The following DGKB variants were observed in gnomAD, a reference collection of about 807,000 sequenced individuals.
DGKB encodes the protein 90 kDa diacylglycerol kinase.
A neutral mutation model predicts 114.3 loss-of-function variants in DGKB; 67 were observed. The ratio of observed to expected loss-of-function variants is 0.59; its 90% CI spans 0.48 to 0.72. The LOEUF is 0.72. Ranked by LOEUF, DGKB falls within the 30% of genes least tolerant of loss-of-function variation. The pLI is 0.00. For synonymous variants in DGKB, 398 were observed against 323.1 expected (o/e 1.23, Z -2.49); for missense variants, 907 against 975.2 (o/e 0.93, Z 0.93).
At chr7:14,503,211 T>G (rs10237790) in intron 20 of DGKB, among the ~76,000 whole-genome samples, 30,602 of 152,058 alleles carry the variant, frequency 0.2, 4,390 homozygotes, top group East Asian at 0.55. Context: ...GATATTAATT[T>G]TTCTTACAGA....
intron 21 of DGKB, among the ~76,000 whole-genome samples, chr7:14,473,039 C>G (rs1439667130): frequency 5.3e-5 from 8 of 152,150 alleles, no homozygotes; most frequent in Admixed American, 3.9e-4. Context: ...GAAATTCAAG[C>G]AGGCTGCAGA....
At chr7:14,593,967 T>G (rs1378745342) in intron 17 of DGKB, among the ~76,000 whole-genome samples, 2 of 152,072 alleles carry the variant, frequency 1.3e-5, no homozygotes, top group African/African-American at 4.8e-5. Context: ...TTTCATGCCT[T>G]ATTTCTGCTT....
intron 1 of DGKB, among the ~76,000 whole-genome samples, chr7:14,958,473 AC>A (rs1423742628): frequency 8.8e-5 from 13 of 147,404 alleles, no homozygotes; most frequent in Non-Finnish European, 1.9e-4. Context: ...ACACACACAC[AC>A]ACCCCGTCCA....
chr7:14,915,837 A>T (rs1199940454), intron 1 of DGKB, among the ~76,000 whole-genome samples: 2 of 152,184 alleles, frequency 1.3e-5, no homozygotes, highest in Non-Finnish European at 2.9e-5. Context: ...AAATGTTAAA[A>T]CAAGTTCCTC....
At chr7:14,535,026 A>G (rs1164219133) in intron 20 of DGKB, among the ~76,000 whole-genome samples, 1 of 152,172 alleles carries the variant, frequency 6.6e-6, no homozygotes, top group Non-Finnish European at 1.5e-5. Context: ...TATGGGATAC[A>G]GCAAAAGCAG....
intron 13 of DGKB, among the ~76,000 whole-genome samples, chr7:14,656,238 A>G (rs1382485060): frequency 6.6e-6 from 1 of 151,644 alleles, no homozygotes; most frequent in Non-Finnish European, 1.5e-5. Flanking sequence ...ATTTTTAAAG[A>G]ATTTTTATGA....
chr7:14,251,713 G>T (rs970558263), intron 23 of DGKB, among the ~76,000 whole-genome samples: 3 of 152,036 alleles, frequency 2.0e-5, no homozygotes, highest in Non-Finnish European at 4.4e-5. Context: ...GCTTTCGTTT[G>T]TCTGGGGAAG....
At chr7:14,733,906 C>A (rs1564051515) in intron 5 of DGKB, among the ~76,000 whole-genome samples, 1 of 152,026 alleles carries the variant, frequency 6.6e-6, no homozygotes, top group Admixed American at 6.5e-5. Context: ...ATTATGGACT[C>A]TTCATCATAT....
intron 13 of DGKB, among the ~76,000 whole-genome samples, chr7:14,640,038 C>G (rs150028995): frequency 6.6e-6 from 1 of 152,150 alleles, no homozygotes; most frequent in Non-Finnish European, 1.5e-5. Context: ...CATGCAAATA[C>G]AGGAAATAGA....
chr7:14,569,507 G>T (rs1302424868), intron 20 of DGKB, among the ~76,000 whole-genome samples: 1 of 152,100 alleles, frequency 6.6e-6, no homozygotes, highest in Non-Finnish European at 1.5e-5. Flanking sequence ...AGCTAGGTTT[G>T]AACATTATCA....
At chr7:14,177,814 A>G (rs993453532) in intron 24 of DGKB, among the ~76,000 whole-genome samples, 7 of 152,174 alleles carry the variant, frequency 4.6e-5, no homozygotes, top group Non-Finnish European at 1.0e-4. Flanking sequence ...ATGGTAGTCA[A>G]CAAGAGAGAA....
At chr7:14,178,894 C>T (rs912932725) in intron 23 of DGKB, among the ~76,000 whole-genome samples, 3 of 151,868 alleles carry the variant, frequency 2.0e-5, no homozygotes, top group African/African-American at 7.3e-5. Flanking sequence ...GGACTAATTA[C>T]TTTATATTAT....
chr7:14,840,867 T>C (rs902856955), intron 2 of DGKB, among the ~76,000 whole-genome samples: 1 of 152,104 alleles, frequency 6.6e-6, no homozygotes, highest in Non-Finnish European at 1.5e-5. Context: ...TCCTTCTCCC[T>C]GTCTGTTACA....
At chr7:14,289,020 G>A (rs969881907) in intron 23 of DGKB, among the ~76,000 whole-genome samples, 2 of 152,142 alleles carry the variant, frequency 1.3e-5, no homozygotes, top group Admixed American at 6.5e-5. Context: ...ACTGTTTGTA[G>A]CATGCTGTTC....
chr7:14,637,943 TG>T (rs1463637370), intron 13 of DGKB, among the ~76,000 whole-genome samples: 1 of 152,104 alleles, frequency 6.6e-6, no homozygotes, highest in Non-Finnish European at 1.5e-5. Context: ...TGAATATTTT[TG>T]AAGTTCCATT....
intron 2 of DGKB, among the ~76,000 whole-genome samples, chr7:14,769,575 A>C (rs1837105402): frequency 6.6e-6 from 1 of 152,064 alleles, no homozygotes. Flanking sequence ...GCCAAAGGAA[A>C]GCGAACACTA....
At chr7:14,690,139 G>GA (rs1822565293) in intron 9 of DGKB, among the ~76,000 whole-genome samples, 1 of 152,110 alleles carries the variant, frequency 6.6e-6, no homozygotes, top group Non-Finnish European at 1.5e-5. Context: ...AATTTTCCTT[G>GA]AAAAAATTAA....
intron 1 of DGKB, among the ~76,000 whole-genome samples, chr7:14,965,918 A>G (rs1032661857): frequency 2.0e-5 from 3 of 152,058 alleles, no homozygotes; most frequent in Admixed American, 2.0e-4. Context: ...TTTGTACATC[A>G]TGATATGAAT....
At chr7:14,167,455 G>T (rs1244933171) in intron 25 of DGKB, among the ~76,000 whole-genome samples, 1 of 151,962 alleles carries the variant, frequency 6.6e-6, no homozygotes, top group African/African-American at 2.4e-5. Context: ...AAAAGCCTTG[G>T]ATTATTGGTC....
Sources: gnomAD v4.1 joint callset for allele counts (sites outside exome capture counted in the v4.1 genomes callset) on GRCh38, gnomAD v4.1.1 for gene constraint, MANE v1.5 for transcripts, NCBI Gene and HGNC (gene_info 2026-07-23, HGNC 2026-07-21) for gene names.